MARK4: variants seen among roughly 807,000 people sequenced by gnomAD.
MARK4 encodes microtubule affinity regulating kinase 4.
MARK4 carries 19 observed loss-of-function variants against 81.5 expected under a neutral mutation model. That is an observed-to-expected ratio of 0.23 (90% confidence interval 0.16 to 0.34). The LOEUF (loss-of-function observed/expected upper bound fraction) is 0.34, where lower values mean the gene tolerates loss of function less well. MARK4 is among the 10% of genes least tolerant of loss of function. The probability of loss-of-function intolerance (pLI) is 1.00; values close to 1 mark genes in which losing one functional copy is unlikely to be tolerated. For synonymous variants in MARK4, 436 were observed against 439.0 expected, an observed-to-expected ratio of 0.99 and a Z score of 0.08; for missense variants, 772 against 1,058.8, an observed-to-expected ratio of 0.73 and a Z score of 3.76.
intron 2 of MARK4, among the ~76,000 whole-genome samples, chr19:45,262,624 C>G (rs1403405837): frequency 1.3e-5 from 2 of 152,194 alleles, no homozygotes; most frequent in African/African-American, 4.8e-5. Context: ...CAGCGTCAGC[C>G]AGGCCCTGCT....
At chr19:45,294,599 C>T (rs1970862703) in intron 14 of MARK4, 147 bp downstream of exon 14, 2 of 669,378 alleles carry the variant, frequency 3.0e-6, no homozygotes, top group Non-Finnish European at 5.1e-6. Flanking sequence ...GCAGAATCGA[C>T]CCATGTACCC....
At chr19:45,280,972 T>C (rs1262055076) in intron 12 of MARK4, among the ~76,000 whole-genome samples, 5 of 152,020 alleles carry the variant, frequency 3.3e-5, no homozygotes, top group African/African-American at 1.2e-4. Flanking sequence ...AGACACTCTC[T>C]GTCTTGCTTC....
chr19:45,253,204 A>C (rs1970266979), intron 1 of MARK4, among the ~76,000 whole-genome samples: 1 of 129,892 alleles, frequency 7.7e-6, no homozygotes, highest in African/African-American at 2.9e-5. Context: ...CACACACACC[A>C]TCAGAGAGAT....
intron 13 of MARK4, among the ~76,000 whole-genome samples, chr19:45,288,984 C>T (rs539197032): frequency 3.0e-4 from 45 of 152,268 alleles, no homozygotes; most frequent in Non-Finnish European, 1.2e-4. Context: ...CGTGGCTGTG[C>T]CCTTGGCCTT....
intron 15 of MARK4, 50 bp from the exon 16 acceptor site, chr19:45,299,761 T>A: frequency 3.3e-6 from 5 of 1,514,014 alleles, no homozygotes; most frequent in Non-Finnish European, 4.5e-6. Context: ...TTGCGGGAGG[T>A]GGGTTCCCTA....
At chr19:45,301,733 C>T (rs965778373) in intron 16 of MARK4, among the ~76,000 whole-genome samples, 7 of 151,282 alleles carry the variant, frequency 4.6e-5, no homozygotes, top group African/African-American at 1.7e-4. Context: ...GGCGTGGTGG[C>T]GCGTGCCTGT....
rs1970664854 is a variant in MARK4, at chr19:45,280,838, AGC to A, written c.1276+105_1276+106del. 8 of 1,477,852 alleles carry A rather than the reference AGC, an allele frequency of 5.4e-6. No individual in the cohort carries two copies. The Admixed American group carries it at 1.5e-4, about 28-fold the overall frequency. The allele number at this position is 1,477,852 out of a possible 1,614,324, so 91.5% of individuals were successfully genotyped here. ...TTGGCAAGCAACAGAAACCCACTGG[AGC>A]TAACCTCAGAGAGGGAGGAATGTCT... On this transcript the variant is annotated intron_variant, in intron 12 of 16. Coordinates refer to ENST00000262891, the MANE Select transcript of MARK4 (RefSeq NM_001199867.2).
intron 2 of MARK4, among the ~76,000 whole-genome samples, chr19:45,260,387 C>T (rs1286538463): frequency 5.6e-5 from 6 of 107,530 alleles, no homozygotes; most frequent in Non-Finnish European, 1.3e-4. Flanking sequence ...GAGACTTTGT[C>T]TCAAAAAAAA....
rs1156848865 is a variant in MARK4, at chr19:45,266,284, A to G, written c.549+3A>G. The G allele has an allele frequency of 6.2e-7, 1 of 1,613,710 alleles. No homozygotes were observed. Among genetic ancestry groups the G allele is most frequent in the South Asian group, 1.1e-5 (1 of 91,084 alleles). On this transcript the variant is annotated splice_donor_region_variant and intron_variant, in intron 7 of 16. Coordinates refer to ENST00000262891, the MANE Select transcript of MARK4 (RefSeq NM_001199867.2). ...ATATTGTACACAGGGACCTGAAGGT[A>G]AGCCCCCGACCCGCTGTGATCTCAG... is the stretch of plus-strand genomic sequence containing the variant.
At chr19:45,270,551 G>A (rs762258149) in intron 7 of MARK4, among the ~76,000 whole-genome samples, 11 of 152,080 alleles carry the variant, frequency 7.2e-5, no homozygotes, top group Non-Finnish European at 1.5e-4. Flanking sequence ...CAGACCACAT[G>A]GGGTAATAGT....
chr19:45,264,122 A>G (rs144410092), intron 4 of MARK4, among the ~76,000 whole-genome samples: 2 of 152,252 alleles, frequency 1.3e-5, no homozygotes, highest in African/African-American at 2.4e-5. Flanking sequence ...AGTGGCCGCT[A>G]TGTGCCAGAC....
At chr19:45,259,554 G>A (rs1970354221) in intron 2 of MARK4, among the ~76,000 whole-genome samples, 2 of 152,122 alleles carry the variant, frequency 1.3e-5, no homozygotes, top group Non-Finnish European at 2.9e-5. Flanking sequence ...TTGAGCTCAG[G>A]AGTTTGAGAC....
intron 13 of MARK4, among the ~76,000 whole-genome samples, chr19:45,291,361 G>T (rs969731733): frequency 6.6e-6 from 1 of 152,192 alleles, no homozygotes; most frequent in Non-Finnish European, 1.5e-5. Flanking sequence ...AGAGTGCATT[G>T]TTAGGCCAGG....
At chr19:45,256,519 A>G (rs755613134) in intron 1 of MARK4, among the ~76,000 whole-genome samples, 1 of 152,204 alleles carries the variant, frequency 6.6e-6, no homozygotes, top group Non-Finnish European at 1.5e-5. Context: ...TGTTAGGGGC[A>G]TTCCACTGGG....
intron 10 of MARK4, 102 bp downstream of exon 10, chr19:45,278,717 C>T: frequency 1.1e-6 from 1 of 874,566 alleles, no homozygotes; most frequent in Non-Finnish European, 1.8e-6. Context: ...GATTCTTGTG[C>T]CTCAGCCTCC....
intron 12 of MARK4, among the ~76,000 whole-genome samples, chr19:45,283,477 C>G (rs1970703876): frequency 6.7e-6 from 1 of 149,026 alleles, no homozygotes; most frequent in African/African-American, 2.5e-5. Flanking sequence ...TACTAATCTA[C>G]TTTCTATGTC....
intron 1 of MARK4, among the ~76,000 whole-genome samples, chr19:45,255,782 C>T (rs925797010): frequency 5.9e-5 from 9 of 152,192 alleles, no homozygotes; most frequent in African/African-American, 2.2e-4. Context: ...AGCCTCTTGG[C>T]CTTTCTTCCT....
chr19:45,259,614 A>AT (rs1970354923), intron 2 of MARK4, among the ~76,000 whole-genome samples: 1 of 151,504 alleles, frequency 6.6e-6, no homozygotes, highest in Non-Finnish European at 1.5e-5. Flanking sequence ...AATAAGTAAA[A>AT]TTTTTTAAAA....
chr19:45,300,714 G>T (rs1449170554), intron 16 of MARK4, among the ~76,000 whole-genome samples: 1 of 152,162 alleles, frequency 6.6e-6, no homozygotes, highest in Admixed American at 6.5e-5. Flanking sequence ...GTGGAAACCG[G>T]AGCCTTCCCA....
Sources: gnomAD v4.1 joint callset for allele counts (sites outside exome capture counted in the v4.1 genomes callset) on GRCh38, gnomAD v4.1.1 for gene constraint, MANE v1.5 for transcripts, NCBI Gene and HGNC (gene_info 2026-07-23, HGNC 2026-07-21) for gene names.